The following ABCB7 variants were observed in gnomAD, a reference collection of about 807,000 sequenced individuals.
The protein encoded by ABCB7 is iron-sulfur clusters transporter ABCB7, mitochondrial.
A neutral mutation model predicts 54.4 loss-of-function variants in ABCB7; 7 were observed. The observed-to-expected ratio is 0.13, with a 90% CI of 0.07 to 0.24. ABCB7 has a LOEUF of 0.24. Among genes scored for constraint, ABCB7 ranks in the 10% least tolerant of loss-of-function variants. The pLI is 1.00. For missense variants in ABCB7, 356 were observed against 570.4 expected, an observed-to-expected ratio of 0.62 and a Z score of 3.83; for synonymous variants, 218 against 207.1, an observed-to-expected ratio of 1.05 and a Z score of -0.45.
chrX:75,104,047 G>GTTTTTTTTGTTTTTTTTTTTTTT (rs2081664100), intron 3 of ABCB7, among the ~76,000 whole-genome samples: 3 of 13,443 alleles, frequency 2.2e-4, no homozygotes, highest in Non-Finnish European at 5.2e-4. Flanking sequence ...TCTTGTTACA[G>GTTTTTTTTGTTTTTTTTTTTTTT]TTTTTTTTTT....
At chrX:75,140,480 T>C (rs979200064) in intron 1 of ABCB7, among the ~76,000 whole-genome samples, 1 of 109,583 alleles carries the variant, frequency 9.1e-6, no homozygotes, top group Non-Finnish European at 1.9e-5. Context: ...CAAATCCAAA[T>C]ATAAAGTTAC....
Position 75,053,250 on chromosome X carries a change from AATCTT to A in ABCB7, c.*115_*119del, listed in dbSNP as rs765754237. On this transcript the variant is annotated 3_prime_UTR_variant, in exon 16 of 16. Coordinates refer to ENST00000373394, the MANE Select transcript of ABCB7 (RefSeq NM_001271696.3). ...TAAAACTCAAATCCCCTTTTAAATA[AATCTT>A]ATCTAAAAGAAGGATTATAGAAAAT... 485 of 940,006 alleles carry A rather than the reference AATCTT, an allele frequency of 5.2e-4. 1 individual carries two copies. In the African/African-American group the frequency reaches 7.0e-3, roughly 14 times the overall value. 77.5% of individuals were successfully genotyped at this position (940,006 alleles called of 1,213,427 possible). A position where few individuals can be genotyped will look rare whatever the true frequency, so the allele number is the denominator to read the frequency against.
At chrX:75,124,467 C>A (rs1376904221) in intron 1 of ABCB7, among the ~76,000 whole-genome samples, 1 of 112,005 alleles carries the variant, frequency 8.9e-6, no homozygotes, top group Non-Finnish European at 1.9e-5. Context: ...TTGCACACTG[C>A]TTCATAAGTT....
intron 8 of ABCB7, 123 bp from the exon 9 acceptor site, chrX:75,071,806 A>G: frequency 2.0e-6 from 1 of 489,282 alleles, no homozygotes; most frequent in South Asian, 4.0e-5. Flanking sequence ...TTCCATTTTA[A>G]AAATTGACTC....
chrX:75,089,975 T>C (rs1204065575), intron 4 of ABCB7, among the ~76,000 whole-genome samples: 1 of 110,151 alleles, frequency 9.1e-6, no homozygotes, highest in Non-Finnish European at 1.9e-5. Context: ...ACACTTCAGA[T>C]CAAGGAAAAT....
At chrX:75,076,437 T>C (rs140397164) in intron 5 of ABCB7, 85 bp downstream of exon 5, 17,566 of 1,086,116 alleles carry the variant, frequency 0.016, 115 homozygotes, top group Non-Finnish European at 0.02. Flanking sequence ...GTTGTGTTTG[T>C]AGTGAAAAGG....
At chrX:75,082,665 A>T (rs1018127329) in intron 4 of ABCB7, among the ~76,000 whole-genome samples, 1 of 111,993 alleles carries the variant, frequency 8.9e-6, no homozygotes, top group Middle Eastern at 4.9e-3. Context: ...ACATCAAGAT[A>T]TATGAAACAA....
chrX:75,149,879 G>A (rs1429071535), intron 1 of ABCB7, among the ~76,000 whole-genome samples: 3 of 111,303 alleles, frequency 2.7e-5, no homozygotes, highest in Non-Finnish European at 5.7e-5. Flanking sequence ...ATAAAAAAAA[G>A]AACAGACACA....
intron 8 of ABCB7, 150 bp downstream of exon 8, chrX:75,073,539 A>G (rs769160720): frequency 9.9e-6 from 5 of 504,417 alleles, no homozygotes; most frequent in African/African-American, 7.1e-5. Flanking sequence ...GATAGTTTCT[A>G]AAGACAAACA....
intron 3 of ABCB7, among the ~76,000 whole-genome samples, chrX:75,112,209 C>T (rs1215306979): frequency 1.8e-5 from 2 of 111,289 alleles, no homozygotes; most frequent in African/African-American, 6.5e-5. Flanking sequence ...TTCACTTGAC[C>T]ACCAACCCTG....
chrX:75,117,929 T>A, intron 1 of ABCB7, among the ~76,000 whole-genome samples: 1 of 112,168 alleles, frequency 8.9e-6, no homozygotes, highest in East Asian at 2.8e-4. Flanking sequence ...TGTGAACTGG[T>A]TGAATGAATG....
Position 75,126,758 on chromosome X carries a change from C to T in ABCB7, c.169-11927G>A, listed in dbSNP as rs754302374. Among the ~76,000 whole-genome samples, 5 of 111,297 alleles carry T rather than the reference C, an allele frequency of 4.5e-5. No homozygotes were observed. In the East Asian group the frequency reaches 8.5e-4, roughly 19 times the overall value. The stretch of plus-strand genomic sequence containing the variant: ...CTGATTCCACAGAAATACAAACTAC[C>T]ATCAGAGAATACTATAAACAACTCT... On this transcript the variant is annotated intron_variant, in intron 1 of 15. Transcript: ENST00000373394.
At chrX:75,141,945 G>A (rs1008073793) in intron 1 of ABCB7, among the ~76,000 whole-genome samples, 2 of 111,539 alleles carry the variant, frequency 1.8e-5, no homozygotes, top group African/African-American at 6.5e-5. Flanking sequence ...GAAAAACAGA[G>A]CAACAAAATA....
chrX:75,132,952 C>A, intron 1 of ABCB7, among the ~76,000 whole-genome samples: 1 of 111,822 alleles, frequency 8.9e-6, no homozygotes, highest in East Asian at 2.8e-4. Flanking sequence ...AACTACCACA[C>A]TAGCTCCCTA....
At chrX:75,141,250 A>C (rs1325537554) in intron 1 of ABCB7, among the ~76,000 whole-genome samples, 1 of 111,918 alleles carries the variant, frequency 8.9e-6, no homozygotes, top group Non-Finnish European at 1.9e-5. Flanking sequence ...ATTTACTGTA[A>C]CGTATTTCAG....
At chrX:75,153,783 ATG>A (rs1265972624) in intron 1 of ABCB7, among the ~76,000 whole-genome samples, 7 of 62,370 alleles carry the variant, frequency 1.1e-4, no homozygotes, top group Admixed American at 3.4e-4. Flanking sequence ...TAAAATATAT[ATG>A]TGTGTGTGTA....
chrX:75,125,160 T>C (rs965244463), intron 1 of ABCB7, among the ~76,000 whole-genome samples: 4 of 111,788 alleles, frequency 3.6e-5, no homozygotes, highest in African/African-American at 1.3e-4. Flanking sequence ...ACTTGGACCA[T>C]TCTGTATGGC....
intron 3 of ABCB7, among the ~76,000 whole-genome samples, chrX:75,102,702 C>G (rs2081650220): frequency 9.0e-6 from 1 of 111,024 alleles, no homozygotes; most frequent in South Asian, 3.7e-4. Flanking sequence ...TATGGTAGTT[C>G]TAGTTTTAGT....
chrX:75,077,759 G>C (rs1025555767), intron 4 of ABCB7, among the ~76,000 whole-genome samples: 2 of 111,332 alleles, frequency 1.8e-5, no homozygotes, highest in Non-Finnish European at 3.8e-5. Context: ...CACATGTTGG[G>C]ATGCTTTTAA....
Sources: allele counts gnomAD v4.1 joint callset (sites outside exome capture counted in the v4.1 genomes callset), GRCh38; gene constraint gnomAD v4.1.1; transcripts MANE v1.5; gene names NCBI Gene and HGNC (gene_info 2026-07-23, HGNC 2026-07-21).